TBC1D32: variants seen among roughly 807,000 people sequenced by gnomAD.
The protein encoded by TBC1D32 is TBC1 domain family member 32, also known as protein broad-minded.
Under a neutral mutation model 170.3 loss-of-function variants are expected in TBC1D32, and 151 were observed. That is an observed-to-expected ratio of 0.89 (90% confidence interval 0.78 to 1.01). The LOEUF is 1.01. TBC1D32 is among the 50% of genes least tolerant of loss of function. The pLI is 0.00. For synonymous variants in TBC1D32, 498 were observed against 488.0 expected (o/e 1.02, Z -0.27); for missense variants, 1,464 against 1,457.1 (o/e 1.00, Z -0.08).
intron 21 of TBC1D32, among the ~76,000 whole-genome samples, chr6:121,213,466 T>TAAAATAA (rs201894524): frequency 8.1e-5 from 2 of 24,766 alleles, no homozygotes; most frequent in East Asian, 1.2e-3. Context: ...ACAAAAATAA[T>TAAAATAA]AATAAAATAA....
chr6:121,149,710 T>G (rs1222120903), intron 24 of TBC1D32, among the ~76,000 whole-genome samples: 2 of 152,212 alleles, frequency 1.3e-5, no homozygotes, highest in Non-Finnish European at 2.9e-5. Context: ...AGCTTTGTTC[T>G]TATTGCTTAG....
intron 30 of TBC1D32, among the ~76,000 whole-genome samples, chr6:121,101,991 G>A (rs1230226236): frequency 6.6e-6 from 1 of 152,064 alleles, no homozygotes; most frequent in African/African-American, 2.4e-5. Flanking sequence ...ATTCACAATT[G>A]CTTCAAAGAG....
At chr6:121,276,292 C>A (rs1280253176) in intron 15 of TBC1D32, among the ~76,000 whole-genome samples, 1 of 151,902 alleles carries the variant, frequency 6.6e-6, no homozygotes, top group African/African-American at 2.4e-5. Context: ...AAGGTCATTG[C>A]GCTAGATGTT....
At chr6:121,093,946 T>C (rs1436484157) in intron 30 of TBC1D32, among the ~76,000 whole-genome samples, 1 of 152,120 alleles carries the variant, frequency 6.6e-6, no homozygotes, top group Non-Finnish European at 1.5e-5. Context: ...ATTATCATTT[T>C]TTATGTGAAC....
At chr6:121,094,297 A>G (rs1238772643) in intron 30 of TBC1D32, among the ~76,000 whole-genome samples, 1 of 151,904 alleles carries the variant, frequency 6.6e-6, no homozygotes, top group Non-Finnish European at 1.5e-5. Flanking sequence ...CCTCTTGAGT[A>G]GGTGGGATTA....
chr6:121,107,034 A>G (rs1778762714), intron 29 of TBC1D32, among the ~76,000 whole-genome samples: 1 of 151,950 alleles, frequency 6.6e-6, no homozygotes, highest in Admixed American at 6.6e-5. Context: ...ACTAGCAATT[A>G]TATCAACAAA....
intron 15 of TBC1D32, among the ~76,000 whole-genome samples, chr6:121,276,119 CA>C (rs61692987): frequency 0.31 from 27,587 of 87,594 alleles, 3,678 homozygotes; most frequent in African/African-American, 0.5. Context: ...GACCTTGTCT[CA>C]AAAAAAAAAA....
chr6:121,332,206 C>T (rs988445259), intron 1 of TBC1D32, among the ~76,000 whole-genome samples: 2 of 151,592 alleles, frequency 1.3e-5, no homozygotes, highest in African/African-American at 4.8e-5. Flanking sequence ...TATAGGCAAA[C>T]GTGTAGCTTT....
intron 21 of TBC1D32, among the ~76,000 whole-genome samples, chr6:121,220,797 C>T (rs112289780): frequency 0.019 from 2,869 of 151,932 alleles, 104 homozygotes; most frequent in African/African-American, 0.066. Context: ...TGCGCCACCA[C>T]GTCCAGCTAA....
chr6:121,092,691 T>C (rs1776955165), intron 30 of TBC1D32, among the ~76,000 whole-genome samples: 1 of 152,178 alleles, frequency 6.6e-6, no homozygotes, highest in Non-Finnish European at 1.5e-5. Context: ...TTTCCCTGTG[T>C]CTTCACATGG....
rs1778656817 is a variant in TBC1D32 at position 121,106,124 on chromosome 6, G to A, written c.3364C>T (p.Pro1122Ser). Residue 1122 changes from proline to serine, a missense_variant, in exon 30 of 32, where the codon CCA (proline) becomes TCA (serine). Physicochemically the swap from Pro to Ser is moderately conservative, Grantham distance 74. Coordinates refer to ENST00000398212, the MANE Select transcript of TBC1D32 (RefSeq NM_152730.6). Reference sequence around the variant, plus strand: ...TAATGGGTGCTGCAAAAATATACTGGATGGATGCCAGATTCTACAGTGTCA... The same window carrying A: ...TAATGGGTGCTGCAAAAATATACTGAATGGATGCCAGATTCTACAGTGTCA... ...PNDTVESGIH[P>S]VYFCSTHYIE... is the part of the protein sequence containing the mutation. The A allele has an allele frequency of 5.0e-6, 8 of 1,592,300 alleles. No individual in the cohort carries two copies. The highest frequency in any genetic ancestry group is 4.3e-6 in the Non-Finnish European group (5 of 1,165,936).
intron 31 of TBC1D32, 29 bp downstream of exon 31, chr6:121,090,824 C>T: frequency 6.3e-7 from 1 of 1,585,072 alleles, no homozygotes; most frequent in Non-Finnish European, 8.6e-7. Context: ...ATTAACTCAA[C>T]ATTTTCCTCT....
intron 13 of TBC1D32, among the ~76,000 whole-genome samples, chr6:121,282,054 A>G (rs1454696310): frequency 1.3e-5 from 2 of 151,664 alleles, no homozygotes; most frequent in African/African-American, 4.8e-5. Context: ...TACCATACTC[A>G]TATTTATTTT....
chr6:121,196,409 G>A (rs6927931), intron 22 of TBC1D32, among the ~76,000 whole-genome samples: 2,271 of 152,288 alleles, frequency 0.015, 39 homozygotes, highest in African/African-American at 0.044. Context: ...CCAGCTACCT[G>A]GTGGCAAGCT....
intron 30 of TBC1D32, among the ~76,000 whole-genome samples, chr6:121,101,327 A>C (rs1211984320): frequency 6.6e-6 from 1 of 152,170 alleles, no homozygotes; most frequent in African/African-American, 2.4e-5. Context: ...ACATGGATGC[A>C]AAAATCCTCA....
chr6:121,199,542 A>G (rs1417817024), intron 22 of TBC1D32, among the ~76,000 whole-genome samples: 1 of 151,394 alleles, frequency 6.6e-6, no homozygotes, highest in African/African-American at 2.5e-5. Flanking sequence ...TGATTAAATT[A>G]GAATTTTGAA....
intron 20 of TBC1D32, among the ~76,000 whole-genome samples, chr6:121,224,209 C>A (rs1304895749): frequency 6.6e-6 from 1 of 152,146 alleles, no homozygotes; most frequent in African/African-American, 2.4e-5. Flanking sequence ...ACACACTTCT[C>A]CTGCCCTCCA....
At chr6:121,117,090 A>G (rs954440062) in intron 26 of TBC1D32, among the ~76,000 whole-genome samples, 4 of 152,208 alleles carry the variant, frequency 2.6e-5, no homozygotes, top group Non-Finnish European at 5.9e-5. Context: ...TTGTTATACA[A>G]TAAAGTTGAG....
chr6:121,196,384 C>A (rs1261481554), intron 22 of TBC1D32, among the ~76,000 whole-genome samples: 2 of 152,164 alleles, frequency 1.3e-5, no homozygotes, highest in Non-Finnish European at 2.9e-5. Flanking sequence ...TGGCACCGTT[C>A]CTTGGAGTGA....
Sources: allele counts gnomAD v4.1 joint callset (sites outside exome capture counted in the v4.1 genomes callset), GRCh38; gene constraint gnomAD v4.1.1; transcripts MANE v1.5; gene names NCBI Gene and HGNC (gene_info 2026-07-23, HGNC 2026-07-21).